The following ANOS1 variants were observed in gnomAD, a reference collection of about 807,000 sequenced individuals.
ANOS1 encodes the protein anosmin-1.
ANOS1 carries 6 observed loss-of-function variants against 59.0 expected under a neutral mutation model. That is an observed-to-expected ratio of 0.10 (90% CI 0.06 to 0.20). The LOEUF (loss-of-function observed/expected upper bound fraction) is 0.20, where lower values mean the gene tolerates loss of function less well. Among genes scored for constraint, ANOS1 ranks in the 10% least tolerant of loss-of-function variants. The probability of loss-of-function intolerance (pLI) is 1.00; values close to 1 mark genes in which losing one functional copy is unlikely to be tolerated. For synonymous variants in ANOS1, 217 were observed against 223.4 expected (o/e 0.97, Z 0.25); for missense variants, 433 against 542.3 (o/e 0.80, Z 2.00).
At chrX:8,671,245 C>A (rs1375573112) in intron 2 of ANOS1, among the ~76,000 whole-genome samples, 2 of 111,557 alleles carry the variant, frequency 1.8e-5, no homozygotes, top group African/African-American at 6.5e-5. Flanking sequence ...TCTATAGGTA[C>A]CAAATAATTT....
chrX:8,724,511 G>C (rs774798040), intron 1 of ANOS1, among the ~76,000 whole-genome samples: 53 of 112,502 alleles, frequency 4.7e-4, no homozygotes, highest in Non-Finnish European at 6.0e-4. Context: ...GCAGGGGGCT[G>C]ACCTCCTATA....
At chrX:8,557,818 T>C (rs1194940041) in intron 8 of ANOS1, among the ~76,000 whole-genome samples, 1 of 111,971 alleles carries the variant, frequency 8.9e-6, no homozygotes, top group Non-Finnish European at 1.9e-5. Context: ...AGCAATCTCA[T>C]TATTGGATGT....
chrX:8,622,806 T>C (rs12847188), intron 3 of ANOS1, among the ~76,000 whole-genome samples: 2,923 of 112,074 alleles, frequency 0.026, 41 homozygotes, highest in Middle Eastern at 0.083. Context: ...GGGAAGACAG[T>C]CCAGTAAAGC....
chrX:8,565,975 G>A, intron 8 of ANOS1: 1 of 750,320 alleles, frequency 1.3e-6, no homozygotes, highest in Non-Finnish European at 1.6e-6. Flanking sequence ...AGACCTCCAG[G>A]GGAGAGACCA....
chrX:8,730,399 C>A (rs991372163), intron 1 of ANOS1, among the ~76,000 whole-genome samples: 1 of 112,811 alleles, frequency 8.9e-6, no homozygotes, highest in Admixed American at 9.3e-5. Context: ...GTGCCCATTT[C>A]TCTGACACCC....
intron 2 of ANOS1, among the ~76,000 whole-genome samples, chrX:8,633,690 G>A (rs1422287593): frequency 1.8e-5 from 2 of 111,826 alleles, no homozygotes; most frequent in Admixed American, 9.5e-5. Flanking sequence ...AAAGCAAAAC[G>A]AAACTCAGGT....
chrX:8,684,915 T>A (rs1359921366), intron 2 of ANOS1, among the ~76,000 whole-genome samples: 2 of 109,801 alleles, frequency 1.8e-5, no homozygotes, highest in African/African-American at 6.6e-5. Flanking sequence ...GCTTCTCCTC[T>A]CCACAAGGAT....
intron 3 of ANOS1, among the ~76,000 whole-genome samples, chrX:8,603,307 C>G (rs964900514): frequency 9.0e-6 from 1 of 111,440 alleles, no homozygotes; most frequent in South Asian, 3.7e-4. Context: ...CATATGTTAA[C>G]GAATAGATAT....
intron 2 of ANOS1, 78 bp downstream of exon 2, chrX:8,699,620 T>C: frequency 1.3e-6 from 1 of 780,467 alleles, no homozygotes; most frequent in Non-Finnish European, 1.9e-6. Context: ...TGTGCTGTCT[T>C]TGCAACTTAC....
At chrX:8,619,070 C>CAAAAAAAAAAAA (rs1164164251) in intron 3 of ANOS1, among the ~76,000 whole-genome samples, 3 of 43,961 alleles carry the variant, frequency 6.8e-5, no homozygotes, top group African/African-American at 1.7e-4. Context: ...AAACCTCTCT[C>CAAAAAAAAAAAA]AAAAAAAAAA....
intron 4 of ANOS1, among the ~76,000 whole-genome samples, chrX:8,590,064 G>A (rs1338600369): frequency 9.0e-6 from 1 of 110,988 alleles, no homozygotes; most frequent in African/African-American, 3.3e-5. Context: ...TTTTTCTACT[G>A]TCCCCTTATT....
chrX:8,715,135 G>T (rs1465540604), intron 1 of ANOS1, among the ~76,000 whole-genome samples: 2 of 112,493 alleles, frequency 1.8e-5, no homozygotes, highest in Non-Finnish European at 3.8e-5. Context: ...GAAAAGTCAG[G>T]TATGTTTTCC....
chrX:8,644,231 A>G (rs1326122935), intron 2 of ANOS1, among the ~76,000 whole-genome samples: 1 of 111,660 alleles, frequency 9.0e-6, no homozygotes, highest in Non-Finnish European at 1.9e-5. Flanking sequence ...AAAGTAATAA[A>G]GTTCTAAGCC....
At chrX:8,711,840 T>C (rs917002661) in intron 1 of ANOS1, among the ~76,000 whole-genome samples, 2 of 112,985 alleles carry the variant, frequency 1.8e-5, no homozygotes, top group East Asian at 5.5e-4. Context: ...TGTATGGTTG[T>C]TTCAAGTCTT....
intron 6 of ANOS1, among the ~76,000 whole-genome samples, chrX:8,583,566 C>T (rs181705804): frequency 5.4e-5 from 6 of 111,859 alleles, no homozygotes; most frequent in African/African-American, 9.7e-5. Context: ...GTCTACCACC[C>T]TTTGGCTGAT....
chrX:8,718,577 T>A (rs942612960), intron 1 of ANOS1, among the ~76,000 whole-genome samples: 2 of 112,364 alleles, frequency 1.8e-5, no homozygotes, highest in African/African-American at 6.5e-5. Flanking sequence ...AACTTCTGCA[T>A]GAACTTGGCA....
intron 2 of ANOS1, 140 bp from the exon 3 acceptor site, chrX:8,623,810 T>C: frequency 1.9e-6 from 1 of 515,063 alleles, no homozygotes. Context: ...TCAGCTGCTC[T>C]TTTTAACTGG....
At chrX:8,633,632 G>A (rs1002158456) in intron 2 of ANOS1, among the ~76,000 whole-genome samples, 1 of 111,551 alleles carries the variant, frequency 9.0e-6, no homozygotes, top group Admixed American at 9.6e-5. Flanking sequence ...CTAGCAGAGC[G>A]CACCTTAACA....
intron 2 of ANOS1, among the ~76,000 whole-genome samples, chrX:8,655,193 T>G (rs186264239): frequency 1.5e-3 from 162 of 111,711 alleles, no homozygotes; most frequent in African/African-American, 5.1e-3. Flanking sequence ...AGAATCAGTG[T>G]GAGCCCTGAG....
Sources: allele counts gnomAD v4.1 joint callset (sites outside exome capture counted in the v4.1 genomes callset), GRCh38; gene constraint gnomAD v4.1.1; transcripts MANE v1.5; gene names NCBI Gene and HGNC (gene_info 2026-07-23, HGNC 2026-07-21).